Variants in ACSBG2 observed in about 807,000 individuals in gnomAD.
The protein encoded by ACSBG2 is acyl-CoA synthetase bubblegum family member 2.
ACSBG2 carries 62 observed loss-of-function variants against 74.7 expected under a neutral mutation model. The ratio of observed to expected loss-of-function variants is 0.83; its 90% confidence interval spans 0.68 to 1.03. The LOEUF is 1.03. Among genes scored for constraint, ACSBG2 ranks in the 50% least tolerant of loss-of-function variants. ACSBG2 has a pLI of 0.00. For missense variants in ACSBG2, 730 were observed against 817.6 expected, an observed-to-expected ratio of 0.89 and a Z score of 1.31; for synonymous variants, 309 against 294.1, an observed-to-expected ratio of 1.05 and a Z score of -0.52.
chr19:6,182,064 G>T (rs1398664217), intron 8 of ACSBG2, among the ~76,000 whole-genome samples: 2 of 152,064 alleles, frequency 1.3e-5, no homozygotes, highest in Non-Finnish European at 2.9e-5. Context: ...GGTAAACCAG[G>T]ACGGTTGTTC....
chr19:6,136,569 G>T (rs1477563769), intron 1 of ACSBG2, among the ~76,000 whole-genome samples: 1 of 151,850 alleles, frequency 6.6e-6, no homozygotes, highest in Non-Finnish European at 1.5e-5. Flanking sequence ...CACCATGCCA[G>T]CCAGGCTGGT....
chr19:6,143,198 C>T (rs1207447313), intron 2 of ACSBG2, among the ~76,000 whole-genome samples: 1 of 151,740 alleles, frequency 6.6e-6, no homozygotes, highest in Non-Finnish European at 1.5e-5. Context: ...TCATGCACCA[C>T]CGTGCCTGGC....
chr19:6,187,213 C>T, intron 11 of ACSBG2, 70 bp from the exon 12 acceptor site: 1 of 1,600,132 alleles, frequency 6.2e-7, no homozygotes, highest in Non-Finnish European at 8.5e-7. Context: ...CCATGTTGGC[C>T]AGGCTGGTCT....
In ACSBG2 at chr19:6,156,558, C is replaced by A. The variant is rs750336385; in HGVS notation, c.507+7C>A. The A allele has an allele frequency of 1.3e-6, 2 of 1,558,138 alleles. No individual in the cohort carries two copies. Among genetic ancestry groups the A allele is most frequent in the Non-Finnish European group, 1.7e-6 (2 of 1,150,198 alleles). Reference sequence around the variant, plus strand: ...GTTACAGAAAATCCTTTCGGTAAACCCCTACCCAGCACTGCCTGCCAAAGT... The same window carrying A: ...GTTACAGAAAATCCTTTCGGTAAACACCTACCCAGCACTGCCTGCCAAAGT... On this transcript the variant is annotated splice_region_variant and intron_variant, in intron 5 of 14. Coordinates refer to ENST00000588485, the MANE Select transcript of ACSBG2 (RefSeq NM_030924.5).
At chr19:6,140,311 A>G (rs1207170235) in intron 1 of ACSBG2, among the ~76,000 whole-genome samples, 1 of 151,982 alleles carries the variant, frequency 6.6e-6, no homozygotes, top group African/African-American at 2.4e-5. Context: ...GCCCTCAAAC[A>G]GTAGAGTCCA....
chr19:6,151,095 C>G lies in ACSBG2; in HGVS notation c.298-612C>G, dbSNP rs142191534. 2.9e-3 allele frequency among the ~76,000 whole-genome samples: 397 copies of G among 136,884 alleles called. 9 individuals are homozygous for G. The East Asian group carries it at 0.039, about 13-fold the overall frequency. 89.8% of individuals were successfully genotyped at this position (136,884 alleles called of 152,430 possible). A position where few individuals can be genotyped will look rare whatever the true frequency, so the allele number is the denominator to read the frequency against. The stretch of plus-strand genomic sequence containing the variant: ...CACTGCTGGACTCCAGCCTTGGCAA[C>G]AGAGTGAGACTCTGTCTCAAAAAAA... On this transcript the variant is annotated intron_variant, in intron 3 of 14. Transcript: ENST00000588485.
rs74980839 is a variant in ACSBG2, at chr19:6,147,665, C to A, written c.287C>A (p.Ser96Tyr). The A allele has an allele frequency of 1.9e-3, 3,124 of 1,613,576 alleles. 52 individuals carry two copies. The African/African-American group carries it at 0.037, about 19-fold the overall frequency. The change falls in exon 3 of 15, where the codon TCC becomes TAC. Residue 96 changes from serine (S) to tyrosine (Y), a missense_variant. Transcript: ENST00000588485. ...GAGGCTTGTCGGAAGGCTGCAAAAT[C>A]CTTGATCAAGGTAAGATTCATTCAT... ...YYEACRKAAKSLIKLGLERFH... is the reference protein window; with the variant it reads ...YYEACRKAAKYLIKLGLERFH...
Position 6,182,937 on chromosome 19 carries a change from G to A in ACSBG2, c.1088+5G>A, listed in dbSNP as rs1468739869. On this transcript the variant is annotated splice_donor_5th_base_variant and intron_variant, in intron 9 of 14. Transcript: ENST00000588485. Reference sequence around the variant, plus strand: ...CAACTCAAAAAAGATGTTGGGGTAGGTGGAGCATCCAGAGGGCTGGGAGGG... The same window carrying A: ...CAACTCAAAAAAGATGTTGGGGTAGATGGAGCATCCAGAGGGCTGGGAGGG... 6.2e-7 allele frequency: 1 copy of A among 1,613,914 alleles called. No homozygotes were observed. Among genetic ancestry groups the A allele is most frequent in the Non-Finnish European group, 8.5e-7 (1 of 1,179,948 alleles).
intron 3 of ACSBG2, among the ~76,000 whole-genome samples, chr19:6,150,558 T>C (rs2089201345): frequency 6.6e-6 from 1 of 152,194 alleles, no homozygotes; most frequent in African/African-American, 2.4e-5. Context: ...TGGATGAATC[T>C]TGAGGACATC....
intron 1 of ACSBG2, among the ~76,000 whole-genome samples, chr19:6,137,087 G>T (rs1476902648): frequency 6.6e-6 from 1 of 151,500 alleles, no homozygotes; most frequent in South Asian, 2.1e-4. Flanking sequence ...AATTTTATTT[G>T]CCCATTTTGC....
At chr19:6,161,735 G>C (rs901512799) in intron 6 of ACSBG2, 3 of 161,468 alleles carry the variant, frequency 1.9e-5, no homozygotes, top group Non-Finnish European at 2.7e-5. Context: ...TGAGCAATGC[G>C]TGGGGGCCTA....
At chr19:6,147,180 C>T (rs10424597) in intron 2 of ACSBG2, among the ~76,000 whole-genome samples, 84,959 of 152,070 alleles carry the variant, frequency 0.56, 25,501 homozygotes, top group Admixed American at 0.67. Context: ...TGGTAAAACG[C>T]TAGCAGTTGT....
intron 7 of ACSBG2, among the ~76,000 whole-genome samples, chr19:6,172,704 T>C (rs2089995070): frequency 6.6e-6 from 1 of 152,234 alleles, no homozygotes; most frequent in African/African-American, 2.4e-5. Context: ...GCACTGTCAA[T>C]AAACCCTTCC....
At chr19:6,178,671 A>G (rs1568247773) in intron 8 of ACSBG2, among the ~76,000 whole-genome samples, 1 of 152,134 alleles carries the variant, frequency 6.6e-6, no homozygotes, top group African/African-American at 2.4e-5. Context: ...CACTGCACCC[A>G]GCTCCATTGC....
chr19:6,147,451 C>T lies in ACSBG2; in HGVS notation c.73C>T (p.Pro25Ser). Residue 25 changes from proline to serine, a missense_variant, in exon 3 of 15, where the codon CCC (proline) becomes TCC (serine). By Grantham distance (74) the Pro-to-Ser change is moderately conservative. Transcript: ENST00000588485. ...EVDMNKTEVT[P>S]RLWTTCRDGE... Reference sequence around the variant, plus strand: ...ACTCTGGTGACTATTTGCAGTTACTCCCAGGCTGTGGACCACCTGTCGAGA... The same window carrying T: ...ACTCTGGTGACTATTTGCAGTTACTTCCAGGCTGTGGACCACCTGTCGAGA... The T allele has an allele frequency of 1.2e-6, 2 of 1,614,008 alleles. No homozygotes were observed. Among genetic ancestry groups the T allele is most frequent in the South Asian group, 1.1e-5 (1 of 91,068 alleles).
At chr19:6,161,193 C>T in intron 5 of ACSBG2, 22 bp from the exon 6 acceptor site, 1 of 1,608,492 alleles carries the variant, frequency 6.2e-7, no homozygotes. Context: ...TGCCATGAAG[C>T]CCACAGGGAA....
At position 6,174,947 on chromosome 19, in the gene ACSBG2, C is replaced by T. The variant is rs1007965320; in HGVS notation, c.739-2282C>T. On this transcript the variant is annotated intron_variant, in intron 7 of 14. Transcript: ENST00000588485. This position sits in a 1 kb window ranked among gnomAD's most constrained non-coding sequence, Gnocchi z 4.2. ...CACATTTTAACTCCCCACTAAAACC[C>T]CACGAGGAAAATTTTGTCACTAACC... Among the ~76,000 whole-genome samples the T allele has an allele frequency of 6.6e-6, 1 of 151,906 alleles. No individual in the cohort carries two copies. The highest frequency in any genetic ancestry group is 1.5e-5 in the Non-Finnish European group (1 of 67,956).
intron 2 of ACSBG2, among the ~76,000 whole-genome samples, chr19:6,146,119 C>A (rs1323300535): frequency 6.6e-6 from 1 of 152,140 alleles, no homozygotes; most frequent in Non-Finnish European, 1.5e-5. Context: ...GATTTACATG[C>A]AAGGGTGTTT....
At chr19:6,153,374 T>G (rs954575658) in intron 4 of ACSBG2, among the ~76,000 whole-genome samples, 2 of 152,186 alleles carry the variant, frequency 1.3e-5, no homozygotes, top group African/African-American at 4.8e-5. Context: ...GCCATCATGA[T>G]CCCAAGTAAT....
Sources: allele counts gnomAD v4.1 joint callset (sites outside exome capture counted in the v4.1 genomes callset), GRCh38; gene constraint gnomAD v4.1.1; non-coding constraint Gnocchi (gnomAD v3.1); transcripts MANE v1.5; gene names NCBI Gene and HGNC (gene_info 2026-07-23, HGNC 2026-07-21).